The following ADGB variants were observed in gnomAD, a reference collection of about 807,000 sequenced individuals.
ADGB encodes calpain-7-like protein.
In ADGB, 172 loss-of-function variants were observed where a neutral mutation model predicts 210.5. The observed-to-expected ratio is 0.82, with a 90% CI of 0.72 to 0.93. The LOEUF (loss-of-function observed/expected upper bound fraction) is 0.93, where lower values mean the gene tolerates loss of function less well. ADGB is among the 40% of genes least tolerant of loss of function. The pLI is 0.00. For synonymous variants in ADGB, 658 were observed against 662.7 expected, an observed-to-expected ratio of 0.99 and a Z score of 0.11; for missense variants, 2,025 against 1,964.8, an observed-to-expected ratio of 1.03 and a Z score of -0.58.
At chr6:146,611,676 C>G (rs570993353) in intron 1 of ADGB, among the ~76,000 whole-genome samples, 1 of 152,282 alleles carries the variant, frequency 6.6e-6, no homozygotes, top group Non-Finnish European at 1.5e-5. Flanking sequence ...GTCCTCCCCC[C>G]ATCTCCTCTC....
At chr6:146,617,499 C>T (rs1003332471) in intron 1 of ADGB, among the ~76,000 whole-genome samples, 1 of 152,000 alleles carries the variant, frequency 6.6e-6, no homozygotes, top group Non-Finnish European at 1.5e-5. Context: ...TAAAAGTGGG[C>T]ATCATTGTCT....
chr6:146,753,933 A>C (rs1313718294), intron 27 of ADGB, among the ~76,000 whole-genome samples: 1 of 151,650 alleles, frequency 6.6e-6, no homozygotes, highest in Non-Finnish European at 1.5e-5. Context: ...TAATTTGAGA[A>C]CTTTGTAGTT....
intron 20 of ADGB, 23 bp downstream of exon 20, chr6:146,728,764 G>A (rs767286309): frequency 2.0e-6 from 3 of 1,474,880 alleles, no homozygotes; most frequent in Non-Finnish European, 2.7e-6. Context: ...GGGATACAAT[G>A]TTCAGAAGAG....
intron 1 of ADGB, among the ~76,000 whole-genome samples, chr6:146,608,235 CT>C (rs1471854046): frequency 2.0e-5 from 3 of 151,378 alleles, no homozygotes; most frequent in African/African-American, 7.3e-5. Flanking sequence ...TTTTGTATTT[CT>C]GCAGAGCCAG....
At chr6:146,687,688 G>A (rs980974393) in intron 10 of ADGB, among the ~76,000 whole-genome samples, 4 of 151,888 alleles carry the variant, frequency 2.6e-5, no homozygotes, top group African/African-American at 7.3e-5. Flanking sequence ...GGGTCAATAG[G>A]TGCAGCAAAC....
At chr6:146,801,059 A>C (rs2114664822) in intron 33 of ADGB, 124 bp from the exon 34 acceptor site, 1 of 427,312 alleles carries the variant, frequency 2.3e-6, no homozygotes, top group East Asian at 3.6e-5. Context: ...AAATAAGACA[A>C]GTCCGGTGAA....
At chr6:146,807,992 G>GTT (rs369961809) in intron 35 of ADGB, among the ~76,000 whole-genome samples, 7,323 of 103,124 alleles carry the variant, frequency 0.071, 998 homozygotes, top group African/African-American at 0.21. Flanking sequence ...CTATGCTTCA[G>GTT]TTTTTTTTTT....
At position 146,639,305 on chromosome 6, in the gene ADGB, G is replaced by C. The variant is rs560968214; in HGVS notation, c.237+3768G>C. On this transcript the variant is annotated intron_variant, in intron 2 of 35. Transcript: ENST00000397944. ...AACACTGCAACTGCAAGCACTGCTG[G>C]TGAGTATTCTTGGGTGCAAATGGGA... The C allele has an allele frequency of 2.6e-5, 4 of 152,114 alleles. No individual in the cohort carries two copies. In the East Asian group the frequency reaches 7.8e-4, roughly 30 times the overall value. 9.4% of individuals were successfully genotyped at this position (152,114 alleles called of 1,614,324 possible).
intron 12 of ADGB, among the ~76,000 whole-genome samples, chr6:146,693,745 C>T (rs1006584617): frequency 8.5e-5 from 13 of 152,230 alleles, no homozygotes; most frequent in African/African-American, 2.6e-4. Context: ...AGAGAAGCCA[C>T]GCCGCACTTT....
At chr6:146,621,145 T>C (rs1562257100) in intron 1 of ADGB, among the ~76,000 whole-genome samples, 1 of 152,186 alleles carries the variant, frequency 6.6e-6, no homozygotes, top group African/African-American at 2.4e-5. Flanking sequence ...GCCATTGTTT[T>C]CTGGTCTTGG....
intron 19 of ADGB, among the ~76,000 whole-genome samples, chr6:146,726,400 T>A (rs145619071): frequency 6.6e-6 from 1 of 152,048 alleles, no homozygotes; most frequent in Admixed American, 6.6e-5. Flanking sequence ...TTTTTTTGTA[T>A]TTTTATTAGA....
At chr6:146,669,972 A>G (rs1453582768) in intron 7 of ADGB, among the ~76,000 whole-genome samples, 1 of 152,100 alleles carries the variant, frequency 6.6e-6, no homozygotes, top group Non-Finnish European at 1.5e-5. Context: ...AAGCTAAAGA[A>G]AAAAACTAGA....
At chr6:146,737,359 T>C (rs1777094933) in intron 23 of ADGB, among the ~76,000 whole-genome samples, 1 of 152,126 alleles carries the variant, frequency 6.6e-6, no homozygotes. Flanking sequence ...AACTGGGTAA[T>C]ATGTCAATAA....
chr6:146,701,193 A>C (rs1431999792), intron 13 of ADGB, 123 bp downstream of exon 13: 1 of 1,134,166 alleles, frequency 8.8e-7, no homozygotes, highest in Non-Finnish European at 1.2e-6. Flanking sequence ...TATAAAGAAT[A>C]GTGTTAAAAT....
chr6:146,619,975 TC>T (rs1324047006), intron 1 of ADGB, among the ~76,000 whole-genome samples: 3 of 151,192 alleles, frequency 2.0e-5, no homozygotes, highest in Non-Finnish European at 4.4e-5. Context: ...GTTGGTGAAT[TC>T]CCTCAGCCTT....
At chr6:146,641,876 A>G (rs1775519939) in intron 2 of ADGB, among the ~76,000 whole-genome samples, 1 of 152,168 alleles carries the variant, frequency 6.6e-6, no homozygotes, top group South Asian at 2.1e-4. Context: ...CACCAAAAGC[A>G]ATTGCAACAA....
intron 29 of ADGB, among the ~76,000 whole-genome samples, chr6:146,776,875 C>G (rs191603160): frequency 1.6e-4 from 25 of 152,098 alleles, no homozygotes; most frequent in African/African-American, 5.5e-4. Context: ...GAAACTTAGA[C>G]TCAAAGGATG....
chr6:146,718,743 G>T (rs1776772060), intron 16 of ADGB, among the ~76,000 whole-genome samples: 2 of 152,210 alleles, frequency 1.3e-5, no homozygotes, highest in South Asian at 4.1e-4. Context: ...AGGAAGTAAA[G>T]AGTCCTTGAA....
chr6:146,815,113 A>G lies in ADGB; in HGVS notation c.4900A>G (p.Lys1634Glu), dbSNP rs1778365943. Reference protein sequence around the residue: ...RNKLLEAEHLKLETLAAQEAA... With the variant: ...RNKLLEAEHLELETLAAQEAA... ...CAAATTGCTGGAAGCTGAGCACCTA[A>G]AGCTGGAAACTCTGGCTGCTCAGGA... The change falls in exon 36 of 36, where the codon AAG becomes GAG. Residue 1634 changes from lysine (K) to glutamate (E), a missense_variant. By Grantham distance (56) the Lys-to-Glu change is moderately conservative. Transcript: ENST00000397944. 3 of 1,548,872 alleles carry G rather than the reference A, an allele frequency of 1.9e-6. No homozygotes were observed. Among genetic ancestry groups the G allele is most frequent in the Non-Finnish European group, 2.6e-6 (3 of 1,146,294 alleles).
Sources: allele counts gnomAD v4.1 joint callset (sites outside exome capture counted in the v4.1 genomes callset), GRCh38; gene constraint gnomAD v4.1.1; transcripts MANE v1.5; gene names NCBI Gene and HGNC (gene_info 2026-07-23, HGNC 2026-07-21).